Variants in SZT2 observed in about 807,000 individuals in gnomAD.
SZT2 encodes KICSTOR complex protein SZT2.
In SZT2, 216 loss-of-function variants were observed where a neutral mutation model predicts 404.2. The ratio of observed to expected loss-of-function variants is 0.53; its 90% CI spans 0.48 to 0.60. The LOEUF (loss-of-function observed/expected upper bound fraction) is 0.60, where lower values mean the gene tolerates loss of function less well. SZT2 is among the 20% of genes least tolerant of loss of function. The probability of loss-of-function intolerance (pLI) is 0.00; values close to 1 mark genes in which losing one functional copy is unlikely to be tolerated. For missense variants in SZT2, 3,857 were observed against 4,459.2 expected, an observed-to-expected ratio of 0.86 and a Z score of 3.85; for synonymous variants, 1,693 against 1,749.9, an observed-to-expected ratio of 0.97 and a Z score of 0.81.
chr1:43,444,477 T>C (rs1247289694), intron 62 of SZT2, among the ~76,000 whole-genome samples: 1 of 152,068 alleles, frequency 6.6e-6, no homozygotes, highest in Non-Finnish European at 1.5e-5. Context: ...CCCACTGACC[T>C]CTCCTGAGAT....
At position 43,452,976 on chromosome 1, in the gene SZT2, A is replaced by G. The variant is rs547101488; in HGVS notation, c.*2496A>G. 1.9e-6 allele frequency: 3 copies of G among 1,607,042 alleles called. No individual in the cohort carries two copies. The highest frequency in any genetic ancestry group is 2.2e-5 in the East Asian group (1 of 44,780). ...ACAGCACCCTTGCAAGGAACACTCA[A>G]CTTCCTGCCCATCAAGCAATGCCCA... On this transcript the variant is annotated 3_prime_UTR_variant, in exon 72 of 72. Transcript: ENST00000634258.
chr1:43,431,883 C>G lies in SZT2; in HGVS notation c.5256C>G (p.Ser1752=). The change falls in exon 36 of 72, where the codon TCC becomes TCG. Residue 1752 remains serine (S), a synonymous_variant. Transcript: ENST00000634258. ...GTTTTGTATTTGGGCCAGAGCGTTC[C>G]CTCACACAATTCAAGGAGGTAAGTT... ...PLSFVFGPER[S]LTQFKEEFRR... 6.2e-7 allele frequency: 1 copy of G among 1,614,148 alleles called. No homozygotes were observed. Among genetic ancestry groups the G allele is most frequent in the Non-Finnish European group, 8.5e-7 (1 of 1,180,038 alleles).
Position 43,435,232 on chromosome 1 carries a change from C to T in SZT2, c.5937C>T (p.His1979=), listed in dbSNP as rs149717460. ...TTCTTCAAGACCTTCATGACAGCCA[C>T]GTGTGTAACTCTCTTCTGGTGGCCG... ...RLLLQDLHDS[H]VCNSLLVAES... Residue 1979 remains histidine, a synonymous_variant, in exon 42 of 72, where the codon CAC becomes CAT. Transcript: ENST00000634258. 158 of 1,614,224 alleles carry T rather than the reference C, an allele frequency of 9.8e-5. No individual in the cohort carries two copies. In the African/African-American group the frequency reaches 1.1e-3, roughly 11 times the overall value.
At position 43,435,254 on chromosome 1, in the gene SZT2, GC is replaced by G; in HGVS notation, c.5961del (p.Glu1988ArgfsTer58). 1.9e-6 allele frequency: 3 copies of G among 1,614,208 alleles called. No homozygotes were observed. The highest frequency in any genetic ancestry group is 2.5e-6 in the Non-Finnish European group (3 of 1,180,034). ...DSHVCNSLLV[A>X]ESEEDLWRSE... ...CCACGTGTGTAACTCTCTTCTGGTG[GC>G]CGAGAGTGAAGAAGATCTGTGGCGC... On this transcript the variant is annotated frameshift_variant, in exon 42 of 72. Coordinates refer to ENST00000634258, the MANE Select transcript of SZT2 (RefSeq NM_001365999.1). LOFTEE classifies it high-confidence loss of function.
chr1:43,446,066 C>G, intron 63 of SZT2, 82 bp downstream of exon 63: 2 of 1,578,780 alleles, frequency 1.3e-6, no homozygotes, highest in Non-Finnish European at 1.7e-6. Context: ...AGTGATGTAC[C>G]GAGGTCACTG....
intron 41 of SZT2, 129 bp downstream of exon 41, chr1:43,434,614 GT>G: frequency 1.2e-6 from 1 of 831,052 alleles, no homozygotes; most frequent in Non-Finnish European, 1.9e-6. Context: ...GACTTCCCCA[GT>G]TAGTAGGATG....
intron 35 of SZT2, 88 bp from the exon 36 acceptor site, chr1:43,431,628 G>A: frequency 3.7e-6 from 6 of 1,600,574 alleles, no homozygotes; most frequent in Non-Finnish European, 5.1e-6. Context: ...CTCTCAGTCT[G>A]TGAGGCAAAT....
Position 43,437,825 on chromosome 1 carries a change from G to T in SZT2, c.6431G>T (p.Arg2144Leu), listed in dbSNP as rs148576640. Reference protein sequence around the residue: ...PRSPLDMVSSRSSDAARPVGQ... With the variant: ...PRSPLDMVSSLSSDAARPVGQ... ...TCTCCCTTAGACATGGTCTCTAGCC[G>T]CAGTTCAGATGCTGCTCGTCCTGTG... Residue 2144 changes from arginine to leucine, a missense_variant, in exon 46 of 72, where the codon CGC becomes CTC. Coordinates refer to ENST00000634258, the MANE Select transcript of SZT2 (RefSeq NM_001365999.1). The surrounding 1 kb of genome is among the most constrained non-coding windows in gnomAD (Gnocchi z 5.3). 1 of 1,613,996 alleles carries T rather than the reference G, an allele frequency of 6.2e-7. No homozygotes were observed. The highest frequency in any genetic ancestry group is 8.5e-7 in the Non-Finnish European group (1 of 1,180,026).
In SZT2 at chr1:43,438,909, C is replaced by T. The variant is rs755051775; in HGVS notation, c.6628-20C>T. On this transcript the variant is annotated intron_variant, in intron 47 of 71. Coordinates refer to ENST00000634258, the MANE Select transcript of SZT2 (RefSeq NM_001365999.1). ...TGGAACTTCTGCATTCAGCTCTGCC[C>T]TCTTCTTCCCACTCTGCAGTTCATC... 1 of 1,614,100 alleles carries T rather than the reference C, an allele frequency of 6.2e-7. No homozygotes were observed. Among genetic ancestry groups the T allele is most frequent in the Non-Finnish European group, 8.5e-7 (1 of 1,179,996 alleles).
intron 62 of SZT2, among the ~76,000 whole-genome samples, chr1:43,444,919 T>A (rs1482323436): frequency 6.6e-6 from 1 of 152,184 alleles, no homozygotes; most frequent in Non-Finnish European, 1.5e-5. Context: ...GAAATGCCAG[T>A]TCCAACTCTC....
In SZT2 at chr1:43,453,907, A is replaced by G; in HGVS notation, c.*3427A>G. 3 of 1,214,624 alleles carry G rather than the reference A, an allele frequency of 2.5e-6. No individual in the cohort carries two copies. The highest frequency in any genetic ancestry group is 3.1e-6 in the Non-Finnish European group (3 of 977,710). 75.2% of individuals were successfully genotyped at this position (1,214,624 alleles called of 1,614,324 possible). On this transcript the variant is annotated 3_prime_UTR_variant, in exon 72 of 72. Transcript: ENST00000634258. ...TTGCTGGCCCTGCGAACGAACGAGC[A>G]CTGTTCGTGGTTAGAAAAGCGAAGT...
chr1:43,445,465 AGGCCT>A, intron 62 of SZT2: 1 of 268,300 alleles, frequency 3.7e-6, no homozygotes. Context: ...AACGAGCAGT[AGGCCT>A]CTGAAAGCCT....
At chr1:43,407,982 G>A (rs1230378038) in intron 4 of SZT2, among the ~76,000 whole-genome samples, 4 of 151,678 alleles carry the variant, frequency 2.6e-5, no homozygotes, top group Admixed American at 1.3e-4. Context: ...ACAGGCGCCC[G>A]CCACCACGCC....
chr1:43,421,346 TG>T, intron 11 of SZT2, 43 bp downstream of exon 11: 1 of 1,590,268 alleles, frequency 6.3e-7, no homozygotes, highest in Non-Finnish European at 8.5e-7. Flanking sequence ...CATGTCAACT[TG>T]GGTTGCACAG....
chr1:43,404,316 A>C (rs1650036472), intron 3 of SZT2, 64 bp from the exon 4 acceptor site: 11 of 1,436,550 alleles, frequency 7.7e-6, no homozygotes, highest in Non-Finnish European at 1.1e-5. Flanking sequence ...TGGAAGCTGC[A>C]TGTTTCTGCC....
In SZT2 at chr1:43,437,417, C is replaced by T. The variant is rs1185611003; in HGVS notation, c.6199C>T (p.Leu2067=). The change falls in exon 44 of 72, where the codon CTG becomes TTG. Residue 2067 remains leucine, a synonymous_variant. Transcript: ENST00000634258. The surrounding 1 kb of genome is among the most constrained non-coding windows in gnomAD (Gnocchi z 5.3). ...SMGVSRAIQA[L]RSVLNAFSVV... The stretch of plus-strand genomic sequence containing the variant: ...TGTTATTCCCCCAGCCATCCAGGCC[C>T]TGCGCTCTGTGCTCAATGCCTTCTC... The T allele has an allele frequency of 1.9e-6, 3 of 1,614,158 alleles. No homozygotes were observed. Among genetic ancestry groups the T allele is most frequent in the Non-Finnish European group, 2.5e-6 (3 of 1,180,018 alleles).
chr1:43,430,942 C>T lies in SZT2; in HGVS notation c.4775-7C>T. On this transcript the variant is annotated splice_polypyrimidine_tract_variant and splice_region_variant and intron_variant, in intron 32 of 71. Coordinates refer to ENST00000634258, the MANE Select transcript of SZT2 (RefSeq NM_001365999.1). ...CTCAGCAACTGCTAACTTTCCCCCTCTCCCAGGCCAGGTGCTTTCCAGTCT... is the reference window on the plus strand; with the variant it reads ...CTCAGCAACTGCTAACTTTCCCCCTTTCCCAGGCCAGGTGCTTTCCAGTCT... 1 of 1,609,486 alleles carries T rather than the reference C, an allele frequency of 6.2e-7. No individual in the cohort carries two copies. Among genetic ancestry groups the T allele is most frequent in the Non-Finnish European group, 8.5e-7 (1 of 1,178,242 alleles).
rs752590853 is a variant in SZT2, at chr1:43,440,565, G to A, written c.7323G>A (p.Arg2441=). The change falls in exon 52 of 72, where the codon CGG becomes CGA. Residue 2441 remains arginine, a synonymous_variant. Transcript: ENST00000634258. ...TGACTCCACCCAGCAAAGCGGGCCG[G>A]CGTAGCTTCTGGGATATGCTGGTAA... is the stretch of plus-strand genomic sequence containing the variant. ...EPVTPPSKAG[R]RSFWDMLSKT... 5.6e-6 allele frequency: 9 copies of A among 1,603,122 alleles called. No individual in the cohort carries two copies. In the South Asian group the frequency reaches 8.9e-5, roughly 16 times the overall value.
At position 43,437,974 on chromosome 1, in the gene SZT2, C is replaced by A; in HGVS notation, c.6508+72C>A. 2 of 1,462,674 alleles carry A rather than the reference C, an allele frequency of 1.4e-6. No homozygotes were observed. The highest frequency in any genetic ancestry group is 9.6e-7 in the Non-Finnish European group (1 of 1,046,540). 90.6% of individuals were successfully genotyped at this position (1,462,674 alleles called of 1,614,324 possible). On this transcript the variant is annotated intron_variant, in intron 46 of 71. Transcript: ENST00000634258. This position sits in a 1 kb window ranked among gnomAD's most constrained non-coding sequence, Gnocchi z 5.3. ...AATCCTCTGGGACTTCTCTTAGAAC[C>A]TTGCAAGCATTACACTAGAAGTTAT...
Sources: gnomAD v4.1 joint callset for allele counts (sites outside exome capture counted in the v4.1 genomes callset) on GRCh38, gnomAD v4.1.1 for gene constraint, Gnocchi (gnomAD v3.1) non-coding constraint, MANE v1.5 for transcripts, NCBI Gene and HGNC (gene_info 2026-07-23, HGNC 2026-07-21) for gene names.